KHDRBS2: variants seen among roughly 807,000 people sequenced by gnomAD.
KHDRBS2 encodes the protein KH RNA binding domain containing, signal transduction associated 2.
KHDRBS2 carries 26 observed loss-of-function variants against 44.3 expected under a neutral mutation model. The ratio of observed to expected loss-of-function variants is 0.59; its 90% CI spans 0.43 to 0.81. The LOEUF (loss-of-function observed/expected upper bound fraction) is 0.81, where lower values mean the gene tolerates loss of function less well. KHDRBS2 is among the 40% of genes least tolerant of loss of function. KHDRBS2 has a pLI of 0.00. For missense variants in KHDRBS2, 476 were observed against 433.1 expected (o/e 1.10, Z -0.88); for synonymous variants, 194 against 151.1 (o/e 1.28, Z -2.08).
chr6:62,170,829 G>A (rs1040460997), intron 2 of KHDRBS2, among the ~76,000 whole-genome samples: 1 of 151,986 alleles, frequency 6.6e-6, no homozygotes, highest in African/African-American at 2.4e-5. Context: ...CAAGGTAAGA[G>A]CATGTAGCCC....
At chr6:61,597,071 G>T in the KHDRBS2 span, among the ~76,000 whole-genome samples, 317 of 152,246 alleles carry the variant, frequency 2.1e-3, no homozygotes, top group Middle Eastern at 0.027. Context: ...CATAGGTAAA[G>T]GCCTAGTTAA....
At chr6:61,793,057 G>T (rs942011282) in intron 6 of KHDRBS2, among the ~76,000 whole-genome samples, 3 of 151,920 alleles carry the variant, frequency 2.0e-5, no homozygotes, top group Non-Finnish European at 4.4e-5. Context: ...TTTACTTAGA[G>T]ATAAACACAA....
chr6:61,947,642 G>GAGA (rs1813638830), intron 4 of KHDRBS2, among the ~76,000 whole-genome samples: 1 of 151,844 alleles, frequency 6.6e-6, no homozygotes, highest in South Asian at 2.1e-4. Flanking sequence ...TAAACTTAGT[G>GAGA]GGTTTTGAAA....
intron 2 of KHDRBS2, among the ~76,000 whole-genome samples, chr6:62,176,968 C>A (rs979892317): frequency 4.0e-5 from 6 of 151,348 alleles, no homozygotes; most frequent in African/African-American, 1.5e-4. Context: ...ATGCCTCCTA[C>A]ATTCACAGAA....
chr6:61,557,801 C>T, the KHDRBS2 span, among the ~76,000 whole-genome samples: 1 of 152,076 alleles, frequency 6.6e-6, no homozygotes, highest in Non-Finnish European at 1.5e-5. Context: ...CTTTTTATTA[C>T]AACTTTGATC....
chr6:61,835,710 C>CATGT (rs1554229897), intron 6 of KHDRBS2, among the ~76,000 whole-genome samples: 2 of 145,478 alleles, frequency 1.4e-5, no homozygotes, highest in South Asian at 2.2e-4. Flanking sequence ...TTGATGTGTG[C>CATGT]GTGTGTGTGT....
chr6:61,711,734 C>T (rs2127551065), intron 7 of KHDRBS2, among the ~76,000 whole-genome samples: 1 of 151,832 alleles, frequency 6.6e-6, no homozygotes, highest in East Asian at 1.9e-4. Flanking sequence ...AAGATGAACA[C>T]TAGGACCACT....
At chr6:61,553,861 G>A in the KHDRBS2 span, among the ~76,000 whole-genome samples, 3 of 152,156 alleles carry the variant, frequency 2.0e-5, no homozygotes, top group African/African-American at 7.2e-5. Context: ...TGATCCAAGA[G>A]TGTGGTTAGT....
At chr6:62,104,916 G>A (rs1802796944) in intron 2 of KHDRBS2, among the ~76,000 whole-genome samples, 1 of 151,820 alleles carries the variant, frequency 6.6e-6, no homozygotes, top group Non-Finnish European at 1.5e-5. Flanking sequence ...TGAAAGAAAA[G>A]GAAAGATAAA....
chr6:61,674,408 T>C, the KHDRBS2 span, among the ~76,000 whole-genome samples: 27 of 151,886 alleles, frequency 1.8e-4, no homozygotes, highest in Non-Finnish European at 3.7e-4. Flanking sequence ...TCAAACTTTG[T>C]TTTAAATTTT....
chr6:61,704,082 C>T (rs1269235647), intron 7 of KHDRBS2, among the ~76,000 whole-genome samples: 5 of 151,824 alleles, frequency 3.3e-5, no homozygotes, highest in Non-Finnish European at 1.5e-5. Context: ...TAGACAAAGT[C>T]TTACCTTCCC....
chr6:62,115,868 A>C (rs893909924), intron 2 of KHDRBS2, among the ~76,000 whole-genome samples: 2 of 152,152 alleles, frequency 1.3e-5, no homozygotes, highest in Non-Finnish European at 2.9e-5. Context: ...CTGAGATAGA[A>C]AAAGAAAGGC....
At chr6:61,675,128 G>A (rs896366859), downstream of KHDRBS2, among the ~76,000 whole-genome samples, 1 of 151,414 alleles carries the variant, frequency 6.6e-6, no homozygotes, top group Non-Finnish European at 1.5e-5. Context: ...TCAAACACTT[G>A]GTCTTATTTC....
the KHDRBS2 span, among the ~76,000 whole-genome samples, chr6:61,674,045 G>A: frequency 6.6e-6 from 1 of 151,704 alleles, no homozygotes; most frequent in Non-Finnish European, 1.5e-5. Context: ...GCTTGAAGTT[G>A]CTTTCATGCT....
intron 6 of KHDRBS2, among the ~76,000 whole-genome samples, chr6:61,894,321 C>T (rs2127332823): frequency 6.6e-6 from 1 of 152,182 alleles, no homozygotes; most frequent in Admixed American, 6.5e-5. Flanking sequence ...TTCCAGAAAT[C>T]TCTGAATACA....
rs1182530431 is a variant in KHDRBS2, at chr6:61,752,508, T to A, written c.811-19744A>T. 5.9e-5 allele frequency among the ~76,000 whole-genome samples: 9 copies of A among 152,142 alleles called. No individual in the cohort carries two copies. In the East Asian group the frequency reaches 1.7e-3, roughly 29 times the overall value. Reference sequence around the variant, plus strand: ...TTATAGCTGAAATACAATTAGGTATTCTATTCAATCGTATTATTCTTAAAT... The same window carrying A: ...TTATAGCTGAAATACAATTAGGTATACTATTCAATCGTATTATTCTTAAAT... On this transcript the variant is annotated intron_variant, in intron 6 of 8. Coordinates refer to ENST00000281156, the MANE Select transcript of KHDRBS2 (RefSeq NM_152688.4).
chr6:61,966,736 C>T (rs1375361439), intron 4 of KHDRBS2, among the ~76,000 whole-genome samples: 4 of 151,916 alleles, frequency 2.6e-5, no homozygotes, highest in South Asian at 2.1e-4. Flanking sequence ...TTTTGGAATA[C>T]GGGTTTTGAG....
the KHDRBS2 span, among the ~76,000 whole-genome samples, chr6:61,639,898 G>A: frequency 6.6e-6 from 1 of 151,844 alleles, no homozygotes; most frequent in Non-Finnish European, 1.5e-5. Context: ...AAAGAAGAGG[G>A]GACTGTTATA....
At chr6:61,766,546 T>C (rs1325815092) in intron 6 of KHDRBS2, among the ~76,000 whole-genome samples, 2 of 152,072 alleles carry the variant, frequency 1.3e-5, no homozygotes, top group Non-Finnish European at 2.9e-5. Context: ...TTAAGATGCA[T>C]TGTGAGGGTG....
Sources: gnomAD v4.1 joint callset for allele counts (sites outside exome capture counted in the v4.1 genomes callset) on GRCh38, gnomAD v4.1.1 for gene constraint, MANE v1.5 for transcripts, NCBI Gene and HGNC (gene_info 2026-07-23, HGNC 2026-07-21) for gene names.